Variants in WDPCP observed in about 807,000 individuals in gnomAD.
The protein encoded by WDPCP is WD repeat-containing and planar cell polarity effector protein fritz homolog.
A neutral mutation model predicts 93.1 loss-of-function variants in WDPCP; 71 were observed. The observed-to-expected ratio is 0.76, with a 90% confidence interval of 0.63 to 0.93. WDPCP has a LOEUF of 0.93. Ranked by LOEUF, WDPCP falls within the 40% of genes least tolerant of loss-of-function variation. WDPCP has a pLI of 0.00. For missense variants in WDPCP, 844 were observed against 887.4 expected (o/e 0.95, Z 0.62); for synonymous variants, 315 against 315.0 (o/e 1.00, Z 0.00).
chr2:63,208,162 T>C (rs1676483141), intron 14 of WDPCP, among the ~76,000 whole-genome samples: 1 of 152,210 alleles, frequency 6.6e-6, no homozygotes, highest in South Asian at 2.1e-4. Flanking sequence ...TGGGGTCAAT[T>C]CTCATCTATT....
intron 1 of WDPCP, among the ~76,000 whole-genome samples, chr2:63,529,368 T>C (rs1703632685): frequency 6.6e-6 from 1 of 152,354 alleles, no homozygotes; most frequent in Middle Eastern, 3.4e-3. Flanking sequence ...AAATAGCTTT[T>C]ATTACTTTGA....
intron 12 of WDPCP, among the ~76,000 whole-genome samples, chr2:63,358,831 C>T (rs182270281): frequency 7.2e-5 from 11 of 152,300 alleles, no homozygotes; most frequent in Non-Finnish European, 1.5e-4. Context: ...TTTCCACTAT[C>T]ACAGATTATA....
At chr2:63,687,148 C>T (rs1668816862) in intron 2 of WDPCP, among the ~76,000 whole-genome samples, 1 of 152,012 alleles carries the variant, frequency 6.6e-6, no homozygotes, top group African/African-American at 2.4e-5. Context: ...CATTGAAAGC[C>T]ATCTTGGGCT....
chr2:63,657,539 G>A (rs543696609), intron 2 of WDPCP, among the ~76,000 whole-genome samples: 61 of 152,186 alleles, frequency 4.0e-4, no homozygotes, highest in African/African-American at 1.5e-3. Flanking sequence ...AGTCACTCTG[G>A]TTGTTCTGTG....
At chr2:63,543,913 G>A (rs72806015) in intron 1 of WDPCP, among the ~76,000 whole-genome samples, 2,296 of 152,004 alleles carry the variant, frequency 0.015, 23 homozygotes, top group South Asian at 0.032. Context: ...TTTTGTTGTC[G>A]TATTTTCTTT....
chr2:63,553,163 A>G (rs186302660), intron 1 of WDPCP, among the ~76,000 whole-genome samples: 22 of 152,376 alleles, frequency 1.4e-4, no homozygotes, highest in Non-Finnish European at 2.6e-4. Context: ...TATAAAAATA[A>G]GCTTGATTTA....
At chr2:63,308,214 A>G (rs1685896566) in intron 13 of WDPCP, among the ~76,000 whole-genome samples, 2 of 152,238 alleles carry the variant, frequency 1.3e-5, no homozygotes, top group Admixed American at 6.5e-5. Flanking sequence ...CACGCCAGTT[A>G]GAATGGTGAT....
At chr2:63,317,210 TG>T (rs1365614439) in intron 12 of WDPCP, among the ~76,000 whole-genome samples, 1 of 151,958 alleles carries the variant, frequency 6.6e-6, no homozygotes, top group African/African-American at 2.4e-5. Context: ...CCAGGCATGG[TG>T]GCTCATACCT....
chr2:63,797,489 A>T (rs1379763740), intron 2 of WDPCP, among the ~76,000 whole-genome samples: 1 of 151,948 alleles, frequency 6.6e-6, no homozygotes, highest in Non-Finnish European at 1.5e-5. Flanking sequence ...GCCTGGCAGC[A>T]TTCACCACAA....
chr2:63,522,548 A>T, intron 1 of WDPCP, among the ~76,000 whole-genome samples: 1 of 151,870 alleles, frequency 6.6e-6, no homozygotes, highest in East Asian at 1.9e-4. Flanking sequence ...AAGAATTAAT[A>T]AGATAGATAG....
At chr2:63,619,814 G>A (rs1014224362) in intron 3 of WDPCP, among the ~76,000 whole-genome samples, 5 of 152,284 alleles carry the variant, frequency 3.3e-5, no homozygotes, top group East Asian at 3.9e-4. Flanking sequence ...ATTCCCAACT[G>A]AGGTACCCAG....
chr2:63,765,101 G>A (rs1392146801), intron 2 of WDPCP, among the ~76,000 whole-genome samples: 1 of 152,166 alleles, frequency 6.6e-6, no homozygotes, highest in Non-Finnish European at 1.5e-5. Flanking sequence ...GAATTTTACA[G>A]TCTAAAGGTA....
rs1475679194 is a variant in WDPCP, at chr2:63,320,706, G to A, written c.1749-7395C>T. 2.6e-5 allele frequency among the ~76,000 whole-genome samples: 4 copies of A among 151,692 alleles called. No individual in the cohort carries two copies. The East Asian group carries it at 7.7e-4, about 29-fold the overall frequency. ...AGTGCAAGTAGGTATGACTGAAAAA[G>A]CAAATAAATAAAAAATCTGGAAAAT... On this transcript the variant is annotated intron_variant, in intron 12 of 17. Transcript: ENST00000272321.
In WDPCP at chr2:63,153,584, A is replaced by G; in HGVS notation, c.2079-10T>C. ...TCTGTCAATTATTTGTCTGCAGTAT[A>G]TGGGTGTTTTTAATTGGAAAAAGGA... On this transcript the variant is annotated splice_polypyrimidine_tract_variant and intron_variant, in intron 15 of 17. Coordinates refer to ENST00000272321, the MANE Select transcript of WDPCP (RefSeq NM_015910.7). The G allele has an allele frequency of 6.2e-7, 1 of 1,603,360 alleles. No individual in the cohort carries two copies. Among genetic ancestry groups the G allele is most frequent in the South Asian group, 1.1e-5 (1 of 88,924 alleles).
At chr2:63,692,583 A>G (rs1341689020) in intron 2 of WDPCP, among the ~76,000 whole-genome samples, 1 of 152,216 alleles carries the variant, frequency 6.6e-6, no homozygotes, top group African/African-American at 2.4e-5. Context: ...AAGAATATTC[A>G]GCAATCATTA....
At chr2:63,598,998 A>T (rs570816691) in intron 3 of WDPCP, among the ~76,000 whole-genome samples, 1 of 151,618 alleles carries the variant, frequency 6.6e-6, no homozygotes, top group South Asian at 2.1e-4. Flanking sequence ...TTACCATTTT[A>T]TAAAAGATTT....
chr2:63,802,574 T>G (rs1425689388), intron 2 of WDPCP, among the ~76,000 whole-genome samples: 2 of 152,160 alleles, frequency 1.3e-5, no homozygotes. Flanking sequence ...TTGTGAAGAA[T>G]TTTGGACTGA....
intron 6 of WDPCP, among the ~76,000 whole-genome samples, chr2:63,463,324 T>C (rs1338501383): frequency 1.3e-5 from 2 of 152,020 alleles, no homozygotes; most frequent in African/African-American, 4.8e-5. Context: ...TGATTAAAGT[T>C]GGTGAATGCT....
chr2:63,662,083 T>C (rs140127841), intron 2 of WDPCP, among the ~76,000 whole-genome samples: 4 of 152,300 alleles, frequency 2.6e-5, no homozygotes, highest in Non-Finnish European at 5.9e-5. Flanking sequence ...AATCTTTTCA[T>C]GTTAAATACA....
Sources: allele counts gnomAD v4.1 joint callset (sites outside exome capture counted in the v4.1 genomes callset), GRCh38; gene constraint gnomAD v4.1.1; transcripts MANE v1.5; gene names NCBI Gene and HGNC (gene_info 2026-07-23, HGNC 2026-07-21).